DPP10: variants seen among roughly 807,000 people sequenced by gnomAD.
DPP10 encodes the protein dipeptidyl peptidase like 10, also known as inactive dipeptidyl peptidase 10.
Under a neutral mutation model 120.9 loss-of-function variants are expected in DPP10, and 33 were observed. That is an observed-to-expected ratio of 0.27 (90% CI 0.21 to 0.37). DPP10 has a LOEUF of 0.37. Ranked by LOEUF, DPP10 falls within the 10% of genes least tolerant of loss-of-function variation. The pLI is 1.00. For synonymous variants in DPP10, 337 were observed against 326.1 expected (o/e 1.03, Z -0.36); for missense variants, 816 against 942.8 (o/e 0.87, Z 1.76).
At chr2:114,645,299 T>A (rs542311480) in intron 1 of DPP10, among the ~76,000 whole-genome samples, 1 of 152,212 alleles carries the variant, frequency 6.6e-6, no homozygotes, top group Non-Finnish European at 1.5e-5. Context: ...AGCTATCTTG[T>A]GTCCTAAGTT....
rs972359271 is a variant in DPP10, at chr2:115,268,795, C to T, written c.61-40444C>T. Among the ~76,000 whole-genome samples, 7 of 152,102 alleles carry T rather than the reference C, an allele frequency of 4.6e-5. No homozygotes were observed. The South Asian group carries it at 6.2e-4, about 14-fold the overall frequency. The stretch of plus-strand genomic sequence containing the variant: ...TATAAGACCAAGACACTTTCTTTAC[C>T]GTTATATCTGCTAGATTTTTATCCA... On this transcript the variant is annotated intron_variant, in intron 1 of 25. Coordinates refer to ENST00000410059, the MANE Select transcript of DPP10 (RefSeq NM_020868.6).
intron 3 of DPP10, among the ~76,000 whole-genome samples, chr2:115,437,196 A>AG (rs753091124): frequency 2.6e-5 from 4 of 152,054 alleles, no homozygotes; most frequent in Non-Finnish European, 5.9e-5. Context: ...AATAGGGTGA[A>AG]GACATTCCCT....
At chr2:115,626,564 G>T (rs922543899) in intron 5 of DPP10, among the ~76,000 whole-genome samples, 4 of 151,994 alleles carry the variant, frequency 2.6e-5, no homozygotes, top group African/African-American at 9.7e-5. Context: ...TATTATAGTT[G>T]TATTGGTGTG....
At chr2:114,724,789 C>A (rs1701937965) in intron 1 of DPP10, among the ~76,000 whole-genome samples, 1 of 152,148 alleles carries the variant, frequency 6.6e-6, no homozygotes, top group Non-Finnish European at 1.5e-5. Flanking sequence ...CCTGTCCAAT[C>A]AGAGTTGTAG....
At chr2:114,668,490 A>G (rs1698096117) in intron 1 of DPP10, among the ~76,000 whole-genome samples, 1 of 152,102 alleles carries the variant, frequency 6.6e-6, no homozygotes, top group African/African-American at 2.4e-5. Context: ...TCTTTCCAAA[A>G]CCCTCTGATA....
intron 1 of DPP10, among the ~76,000 whole-genome samples, chr2:115,109,040 A>AAT (rs1553490076): frequency 6.6e-6 from 1 of 151,736 alleles, no homozygotes; most frequent in Non-Finnish European, 1.5e-5. Flanking sequence ...ATGTTAACAT[A>AAT]AACTGATCAT....
At chr2:114,838,884 C>T (rs973670259) in intron 1 of DPP10, among the ~76,000 whole-genome samples, 69 of 152,314 alleles carry the variant, frequency 4.5e-4, no homozygotes, top group Non-Finnish European at 8.7e-4. Context: ...AACCTCTCCT[C>T]ATCTGTCTTC....
chr2:115,623,092 G>T (rs566548804), intron 5 of DPP10, among the ~76,000 whole-genome samples: 1 of 152,012 alleles, frequency 6.6e-6, no homozygotes. Context: ...TGATCCGCCC[G>T]CCTCGGCCTC....
intron 3 of DPP10, among the ~76,000 whole-genome samples, chr2:115,495,621 A>G (rs1478547502): frequency 6.6e-6 from 1 of 152,096 alleles, no homozygotes; most frequent in Non-Finnish European, 1.5e-5. Flanking sequence ...TACCTGAAAG[A>G]TTTTAAATTA....
intron 1 of DPP10, among the ~76,000 whole-genome samples, chr2:114,494,188 G>C (rs915100337): frequency 6.6e-6 from 1 of 150,450 alleles, no homozygotes; most frequent in African/African-American, 2.4e-5. Context: ...CCTGAGTTCA[G>C]ATCCTGGCTC....
At chr2:115,611,652 C>T (rs1209225325) in intron 5 of DPP10, among the ~76,000 whole-genome samples, 2 of 152,118 alleles carry the variant, frequency 1.3e-5, no homozygotes, top group Admixed American at 6.6e-5. Context: ...AGAATTATTG[C>T]ATTTTAGAAT....
intron 3 of DPP10, among the ~76,000 whole-genome samples, chr2:115,366,799 A>G (rs1223866279): frequency 6.6e-6 from 1 of 152,016 alleles, no homozygotes; most frequent in Non-Finnish European, 1.5e-5. Context: ...CATTCCTGTA[A>G]TAATTGATAT....
At chr2:114,463,114 G>A (rs895436384) in intron 1 of DPP10, among the ~76,000 whole-genome samples, 1 of 151,944 alleles carries the variant, frequency 6.6e-6, no homozygotes, top group African/African-American at 2.4e-5. Flanking sequence ...TCACTACAGG[G>A]GATTCATCGC....
At chr2:115,499,039 G>A (rs924510613) in intron 3 of DPP10, among the ~76,000 whole-genome samples, 2 of 152,062 alleles carry the variant, frequency 1.3e-5, no homozygotes, top group African/African-American at 4.8e-5. Flanking sequence ...TAGGAATTCA[G>A]TGGTGGTAGA....
chr2:114,710,496 G>A (rs1365992870), intron 1 of DPP10, among the ~76,000 whole-genome samples: 1 of 152,210 alleles, frequency 6.6e-6, no homozygotes, highest in Non-Finnish European at 1.5e-5. Context: ...TGTAATCCCA[G>A]CAATCTGGGA....
intron 1 of DPP10, among the ~76,000 whole-genome samples, chr2:115,094,504 T>C (rs1200703061): frequency 1.3e-5 from 2 of 152,170 alleles, no homozygotes; most frequent in Non-Finnish European, 2.9e-5. Context: ...TTGCAATCCA[T>C]AAAATGAAAG....
intron 2 of DPP10, among the ~76,000 whole-genome samples, chr2:115,337,118 T>C (rs544969120): frequency 2.0e-5 from 3 of 150,396 alleles, no homozygotes; most frequent in African/African-American, 2.5e-5. Context: ...TTAAGACATA[T>C]TGTAGACAAG....
chr2:115,517,901 T>C (rs149092234), intron 4 of DPP10, among the ~76,000 whole-genome samples: 102 of 152,330 alleles, frequency 6.7e-4, no homozygotes, highest in African/African-American at 2.4e-3. Context: ...GATGTTTATT[T>C]GGCTAGTGAT....
chr2:115,218,224 C>T (rs1483575244), intron 1 of DPP10, among the ~76,000 whole-genome samples: 2 of 152,028 alleles, frequency 1.3e-5, no homozygotes, highest in Non-Finnish European at 2.9e-5. Context: ...CTTCTTTAAT[C>T]CCCTTGTAAC....
Sources: allele counts gnomAD v4.1 joint callset (sites outside exome capture counted in the v4.1 genomes callset), GRCh38; gene constraint gnomAD v4.1.1; transcripts MANE v1.5; gene names NCBI Gene and HGNC (gene_info 2026-07-23, HGNC 2026-07-21).